TBL1XR1: variants seen among roughly 807,000 people sequenced by gnomAD.
The protein encoded by TBL1XR1 is TBL1X/Y related 1, also known as F-box-like/WD repeat-containing protein TBL1XR1.
A neutral mutation model predicts 66.9 loss-of-function variants in TBL1XR1; 5 were observed. The ratio of observed to expected loss-of-function variants is 0.07; its 90% CI spans 0.04 to 0.16. The LOEUF (loss-of-function observed/expected upper bound fraction) is 0.16. Ranked by LOEUF, TBL1XR1 falls within the 10% of genes least tolerant of loss-of-function variation. The pLI, the probability that TBL1XR1 is intolerant of heterozygous loss-of-function variation, is 1.00. For synonymous variants in TBL1XR1, 210 were observed against 206.0 expected (o/e 1.02, Z -0.17); for missense variants, 238 against 623.2 (o/e 0.38, Z 6.58).
At chr3:177,050,808 C>T (rs1418931781) in intron 5 of TBL1XR1, among the ~76,000 whole-genome samples, 198 bp from the exon 6 acceptor site, 2 of 121,808 alleles carry the variant, frequency 1.6e-5, no homozygotes, top group Non-Finnish European at 3.2e-5. Context: ...AAGTATTGAC[C>T]ACATACTTTT....
chr3:177,171,610 G>A (rs1186939005), intron 1 of TBL1XR1, among the ~76,000 whole-genome samples: 1 of 146,886 alleles, frequency 6.8e-6, no homozygotes, highest in Non-Finnish European at 1.5e-5. Flanking sequence ...GGCTGAGGCA[G>A]GAGAATGGTG....
chr3:177,128,501 G>T (rs775768713), intron 1 of TBL1XR1, among the ~76,000 whole-genome samples: 1 of 152,120 alleles, frequency 6.6e-6, no homozygotes, highest in Non-Finnish European at 1.5e-5. Context: ...AGTCCCCCAA[G>T]TAGCTAGGAC....
At chr3:177,117,571 G>A (rs77896981) in intron 1 of TBL1XR1, among the ~76,000 whole-genome samples, 2 of 152,026 alleles carry the variant, frequency 1.3e-5, no homozygotes, top group African/African-American at 4.8e-5. Flanking sequence ...ATAAGCTCTC[G>A]GGTCTCCCAG....
intron 1 of TBL1XR1, among the ~76,000 whole-genome samples, chr3:177,124,544 A>G (rs933585851): frequency 6.6e-6 from 1 of 152,100 alleles, no homozygotes; most frequent in African/African-American, 2.4e-5. Context: ...CTAAATAAAC[A>G]AACTCCTCAG....
chr3:177,182,233 A>C (rs1734912711), intron 1 of TBL1XR1, among the ~76,000 whole-genome samples: 1 of 152,052 alleles, frequency 6.6e-6, no homozygotes, highest in Non-Finnish European at 1.5e-5. Flanking sequence ...ACCAAAAAAC[A>C]CAAAAATTAG....
At chr3:177,097,824 G>A (rs1723685970) in intron 2 of TBL1XR1, among the ~76,000 whole-genome samples, 1 of 152,172 alleles carries the variant, frequency 6.6e-6, no homozygotes, top group Non-Finnish European at 1.5e-5. Context: ...ACAAAATTTA[G>A]TTCATTTGAC....
chr3:177,071,570 T>C (rs971295937), intron 2 of TBL1XR1, among the ~76,000 whole-genome samples: 12 of 152,132 alleles, frequency 7.9e-5, no homozygotes, highest in Non-Finnish European at 1.3e-4. Context: ...AAATATGTGA[T>C]TGATAACAGC....
chr3:177,030,627 T>C (rs182044153), intron 14 of TBL1XR1, among the ~76,000 whole-genome samples: 6 of 152,302 alleles, frequency 3.9e-5, no homozygotes, highest in Admixed American at 3.9e-4. Context: ...TTCACAACAG[T>C]GTGGCAACAT....
chr3:177,128,231 C>CA lies in TBL1XR1; in HGVS notation c.-121-29691dup, dbSNP rs534584420. On this transcript the variant is annotated intron_variant, in intron 1 of 15. Coordinates refer to ENST00000457928, the MANE Select transcript of TBL1XR1 (RefSeq NM_024665.7). ...AAGACTCCGTCTCAGGAAAAAAAGA[C>CA]AAAAAAAAAATCATTCTTTTAGTAC... 2.6e-3 allele frequency among the ~76,000 whole-genome samples: 387 copies of CA among 147,080 alleles called. 2 individuals carry two copies. The highest frequency in any genetic ancestry group is 7.8e-3 in the South Asian group (36 of 4,638).
chr3:177,106,840 C>G (rs546282693), intron 1 of TBL1XR1, among the ~76,000 whole-genome samples: 42 of 152,150 alleles, frequency 2.8e-4, no homozygotes, highest in African/African-American at 1.0e-3. Context: ...CAGATTCTGC[C>G]GTCCTGTGTG....
chr3:177,166,353 T>G (rs1456498728), intron 1 of TBL1XR1, among the ~76,000 whole-genome samples: 1 of 152,138 alleles, frequency 6.6e-6, no homozygotes, highest in Non-Finnish European at 1.5e-5. Context: ...AACAGAGACC[T>G]TATTCAAAGA....
intron 1 of TBL1XR1, among the ~76,000 whole-genome samples, chr3:177,099,115 C>T (rs1723864375): frequency 6.6e-6 from 1 of 152,102 alleles, no homozygotes; most frequent in Non-Finnish European, 1.5e-5. Flanking sequence ...GCCTGTAATC[C>T]CAGCACTTTG....
chr3:177,084,744 C>A (rs919879969), intron 2 of TBL1XR1, among the ~76,000 whole-genome samples: 7 of 152,210 alleles, frequency 4.6e-5, no homozygotes, highest in African/African-American at 1.7e-4. Context: ...CCTCTGCCAA[C>A]GGGAACCTGT....
At chr3:177,071,877 A>G (rs1268806547) in intron 2 of TBL1XR1, among the ~76,000 whole-genome samples, 1 of 152,224 alleles carries the variant, frequency 6.6e-6, no homozygotes, top group Admixed American at 6.5e-5. Flanking sequence ...TCAATTTCAC[A>G]GGATGAGAGA....
At chr3:177,061,911 A>C (rs572947733) in intron 3 of TBL1XR1, among the ~76,000 whole-genome samples, 2 of 152,018 alleles carry the variant, frequency 1.3e-5, no homozygotes, top group Non-Finnish European at 2.9e-5. Flanking sequence ...GATCAGAACC[A>C]AAAAAAAGCT....
intron 2 of TBL1XR1, among the ~76,000 whole-genome samples, chr3:177,094,621 T>C (rs552543723): frequency 6.0e-4 from 92 of 152,332 alleles, no homozygotes; most frequent in African/African-American, 2.1e-3. Context: ...ATATACACCA[T>C]GGAATACTAT....
chr3:177,198,275 T>TGCC (rs775980771), upstream of TBL1XR1, among the ~76,000 whole-genome samples: 1 of 152,226 alleles, frequency 6.6e-6, no homozygotes, highest in Admixed American at 6.5e-5. Flanking sequence ...GAAGTATTTA[T>TGCC]GCCCAAATGT....
intron 15 of TBL1XR1, among the ~76,000 whole-genome samples, chr3:177,025,738 G>A (rs1416785403): frequency 3.9e-5 from 6 of 152,120 alleles, no homozygotes; most frequent in Non-Finnish European, 8.8e-5. Context: ...AACTGTGGGG[G>A]AAGAACCACG....
intron 4 of TBL1XR1, among the ~76,000 whole-genome samples, chr3:177,052,135 C>T (rs1464679090): frequency 1.3e-5 from 2 of 152,134 alleles, no homozygotes; most frequent in African/African-American, 4.8e-5. Context: ...TTTTAAAAAA[C>T]TAAAAACTTT....
Sources: gnomAD v4.1 joint callset for allele counts (sites outside exome capture counted in the v4.1 genomes callset) on GRCh38, gnomAD v4.1.1 for gene constraint, MANE v1.5 for transcripts, NCBI Gene and HGNC (gene_info 2026-07-23, HGNC 2026-07-21) for gene names.